The following PLXDC2 variants were observed in gnomAD, a reference collection of about 807,000 sequenced individuals.
PLXDC2 encodes plexin domain containing 2, also known as plexin domain-containing protein 2.
A neutral mutation model predicts 68.9 loss-of-function variants in PLXDC2; 40 were observed. The ratio of observed to expected loss-of-function variants is 0.58; its 90% CI spans 0.45 to 0.76. The LOEUF (loss-of-function observed/expected upper bound fraction) is 0.76. PLXDC2 is among the 30% of genes least tolerant of loss of function. The pLI is 0.00. For missense variants in PLXDC2, 644 were observed against 661.9 expected, an observed-to-expected ratio of 0.97 and a Z score of 0.30; for synonymous variants, 243 against 234.2, an observed-to-expected ratio of 1.04 and a Z score of -0.34.
intron 3 of PLXDC2, among the ~76,000 whole-genome samples, chr10:20,066,095 C>G (rs1836205988): frequency 6.6e-6 from 1 of 152,198 alleles, no homozygotes; most frequent in Non-Finnish European, 1.5e-5. Flanking sequence ...CAGTATCTTC[C>G]TAGATTGCCA....
chr10:20,255,451 A>T (rs528440583), intron 13 of PLXDC2, among the ~76,000 whole-genome samples: 1 of 152,294 alleles, frequency 6.6e-6, no homozygotes, highest in South Asian at 2.1e-4. Context: ...GACATTGGTT[A>T]ATTGTTCTGC....
Position 20,279,989 on chromosome 10 carries a change from A to G in PLXDC2, c.*170A>G, listed in dbSNP as rs1049112951. ...GCTCAGCCCAGGAAACAAAGGGTAA[A>G]CAAAAAACTAAAACTTATACAAGAT... On this transcript the variant is annotated 3_prime_UTR_variant, in exon 14 of 14. Transcript: ENST00000377252. 2.0e-5 allele frequency: 12 copies of G among 586,250 alleles called. No homozygotes were observed. The highest frequency in any genetic ancestry group is 3.6e-5 in the Non-Finnish European group (12 of 331,088). 36.3% of individuals were successfully genotyped at this position (586,250 alleles called of 1,614,324 possible).
chr10:19,893,620 G>T (rs1838005584), intron 1 of PLXDC2, among the ~76,000 whole-genome samples: 1 of 152,172 alleles, frequency 6.6e-6, no homozygotes, highest in South Asian at 2.1e-4. Context: ...ATATAATAAT[G>T]GCTCCTTTTG....
chr10:19,869,218 G>A (rs909736126), intron 1 of PLXDC2, among the ~76,000 whole-genome samples: 1 of 152,022 alleles, frequency 6.6e-6, no homozygotes, highest in Admixed American at 6.5e-5. Context: ...GCCACATGGA[G>A]AAACCTCGTC....
At chr10:19,985,728 A>G (rs1197068122) in intron 1 of PLXDC2, among the ~76,000 whole-genome samples, 3 of 152,202 alleles carry the variant, frequency 2.0e-5, no homozygotes, top group Admixed American at 6.5e-5. Context: ...ACGTGGTGAA[A>G]ACATATACTC....
chr10:19,823,041 A>G (rs1033605336), intron 1 of PLXDC2, among the ~76,000 whole-genome samples: 2 of 151,476 alleles, frequency 1.3e-5, no homozygotes, highest in Non-Finnish European at 1.5e-5. Flanking sequence ...TCAGCTTCCC[A>G]AGTAGCTGGG....
chr10:19,885,785 C>T (rs1388014147), intron 1 of PLXDC2, among the ~76,000 whole-genome samples: 4 of 152,186 alleles, frequency 2.6e-5, no homozygotes, highest in African/African-American at 4.8e-5. Flanking sequence ...AGTCAGGTAG[C>T]ATGATGCCTC....
chr10:20,113,660 A>G (rs1336341947), intron 4 of PLXDC2, among the ~76,000 whole-genome samples: 1 of 152,214 alleles, frequency 6.6e-6, no homozygotes, highest in Non-Finnish European at 1.5e-5. Flanking sequence ...TCAGCTGCAT[A>G]AACAATAGAT....
At chr10:19,883,237 C>T (rs1468703029) in intron 1 of PLXDC2, among the ~76,000 whole-genome samples, 1 of 152,052 alleles carries the variant, frequency 6.6e-6, no homozygotes, top group Non-Finnish European at 1.5e-5. Flanking sequence ...GCTGGGATTA[C>T]AGGCGTGAGC....
At chr10:20,017,770 G>A (rs1835238082) in intron 2 of PLXDC2, among the ~76,000 whole-genome samples, 1 of 152,196 alleles carries the variant, frequency 6.6e-6, no homozygotes, top group Non-Finnish European at 1.5e-5. Flanking sequence ...ATTTAAAGAT[G>A]ATCACTGCAC....
At chr10:19,868,749 A>C (rs1022274232) in intron 1 of PLXDC2, among the ~76,000 whole-genome samples, 2 of 152,174 alleles carry the variant, frequency 1.3e-5, no homozygotes, top group African/African-American at 2.4e-5. Context: ...TAGTGTATTT[A>C]CTCTATCAGC....
chr10:20,174,412 A>G (rs977656891), intron 7 of PLXDC2, among the ~76,000 whole-genome samples: 2 of 152,148 alleles, frequency 1.3e-5, no homozygotes, highest in Non-Finnish European at 2.9e-5. Flanking sequence ...TGAAAAATGT[A>G]TATGCATCTT....
chr10:19,861,210 T>C (rs748923555), intron 1 of PLXDC2, among the ~76,000 whole-genome samples: 1 of 151,996 alleles, frequency 6.6e-6, no homozygotes, highest in African/African-American at 2.4e-5. Flanking sequence ...AATTTTTGTA[T>C]TTTTTGTAGA....
At chr10:20,200,284 A>G (rs1207082974) in intron 9 of PLXDC2, among the ~76,000 whole-genome samples, 1 of 152,072 alleles carries the variant, frequency 6.6e-6, no homozygotes, top group African/African-American at 2.4e-5. Flanking sequence ...AAGTGATTGT[A>G]CAGTTTAAAA....
chr10:20,011,452 G>A (rs1835113279), intron 2 of PLXDC2, among the ~76,000 whole-genome samples: 1 of 152,210 alleles, frequency 6.6e-6, no homozygotes, highest in Admixed American at 6.5e-5. Flanking sequence ...GTTTAGCAAA[G>A]TGTGAAAAAC....
At chr10:19,817,274 C>T (rs913529112) in intron 1 of PLXDC2, 83 bp downstream of exon 1, 8 of 1,093,504 alleles carry the variant, frequency 7.3e-6, no homozygotes, top group African/African-American at 1.6e-5. Flanking sequence ...ACCCTCTCCC[C>T]CCAACATCAC....
chr10:19,996,730 G>T (rs1026788823), intron 1 of PLXDC2, among the ~76,000 whole-genome samples: 1 of 152,186 alleles, frequency 6.6e-6, no homozygotes, highest in Non-Finnish European at 1.5e-5. Flanking sequence ...GGAAAAGGGG[G>T]TTTAATGGAC....
intron 1 of PLXDC2, among the ~76,000 whole-genome samples, chr10:19,837,401 AGAGAGAGAGTGTGTGTGTGTGT>A (rs935476697): frequency 4.2e-5 from 2 of 47,366 alleles, no homozygotes; most frequent in African/African-American, 1.3e-4. Context: ...AGAGAGAGAG[AGAGAGAGAGTGTGTGTGTGTGT>A]GTGTGTGTGT....
At chr10:19,998,463 G>A (rs1834876563) in intron 1 of PLXDC2, among the ~76,000 whole-genome samples, 1 of 152,068 alleles carries the variant, frequency 6.6e-6, no homozygotes, top group South Asian at 2.1e-4. Flanking sequence ...CATATAATAG[G>A]ATTTCCTCTA....
Sources: gnomAD v4.1 joint callset for allele counts (sites outside exome capture counted in the v4.1 genomes callset) on GRCh38, gnomAD v4.1.1 for gene constraint, MANE v1.5 for transcripts, NCBI Gene and HGNC (gene_info 2026-07-23, HGNC 2026-07-21) for gene names.